Variants in TRIML2 observed in about 807,000 individuals in gnomAD.
The protein encoded by TRIML2 is probable E3 ubiquitin-protein ligase TRIML2.
In TRIML2, 28 loss-of-function variants were observed where a neutral mutation model predicts 31.2. That is an observed-to-expected ratio of 0.90 (90% CI 0.66 to 1.23). The LOEUF (loss-of-function observed/expected upper bound fraction) is 1.23, where lower values mean the gene tolerates loss of function less well. Ranked by LOEUF, TRIML2 falls within the 50% of genes most tolerant of loss-of-function variation. TRIML2 has a pLI of 0.00. For missense variants in TRIML2, 536 were observed against 528.3 expected, an observed-to-expected ratio of 1.01 and a Z score of -0.14; for synonymous variants, 187 against 197.5, an observed-to-expected ratio of 0.95 and a Z score of 0.45.
In TRIML2 at chr4:188,102,580, C is replaced by T. The variant is rs145893471; in HGVS notation, c.286-1330G>A. ...CTATTTAAGATTCAGTGAAATTGTC[C>T]GGGCTCACGTCTGTAATCCCAGCAC... is the stretch of plus-strand genomic sequence containing the variant. On this transcript the variant is annotated intron_variant, in intron 3 of 7. Transcript: ENST00000682553. 9.1e-3 allele frequency among the ~76,000 whole-genome samples: 1,376 copies of T among 151,806 alleles called. 14 individuals carry two copies. The highest frequency in any genetic ancestry group is 0.016 in the Non-Finnish European group (1,101 of 67,924).
intron 7 of TRIML2, among the ~76,000 whole-genome samples, chr4:188,093,667 A>T (rs10780074): frequency 0.08 from 12,108 of 151,474 alleles, 1,050 homozygotes; most frequent in East Asian, 0.51. Context: ...TCTCAAAAAC[A>T]AAAACAAAAA....
intron 4 of TRIML2, among the ~76,000 whole-genome samples, chr4:188,100,599 G>A (rs1733743251): frequency 6.6e-6 from 1 of 152,116 alleles, no homozygotes; most frequent in East Asian, 1.9e-4. Flanking sequence ...GCGGGCACCT[G>A]TAATCCCAGC....
chr4:188,102,774 G>A (rs1391289084), intron 3 of TRIML2, among the ~76,000 whole-genome samples: 8 of 151,008 alleles, frequency 5.3e-5, no homozygotes, highest in African/African-American at 1.7e-4. Context: ...GCTTGAACCC[G>A]GGAGGCGGAG....
chr4:188,100,955 T>C, intron 4 of TRIML2, 101 bp downstream of exon 4: 1 of 1,039,514 alleles, frequency 9.6e-7, no homozygotes, highest in Non-Finnish European at 1.4e-6. Flanking sequence ...ATTTAATACA[T>C]GTGTGGTTGT....
rs761036503 is a variant in TRIML2 at position 188,105,400 on chromosome 4, T to C, written c.-32A>G. The C allele has an allele frequency of 6.7e-7, 1 of 1,498,278 alleles. No homozygotes were observed. Among genetic ancestry groups the C allele is most frequent in the Non-Finnish European group, 9.0e-7 (1 of 1,111,236 alleles). The allele number at this position is 1,498,278 out of a possible 1,614,324, so 92.8% of individuals were successfully genotyped here. A position where few individuals can be genotyped will look rare whatever the true frequency, so the allele number is the denominator to read the frequency against. Reference sequence around the variant, plus strand: ...AGGGGTCCCTAGTTGAAGACTGGACTGTATGCTTCTACTGAGGTATCTCCC... The same window carrying C: ...AGGGGTCCCTAGTTGAAGACTGGACCGTATGCTTCTACTGAGGTATCTCCC... On this transcript the variant is annotated 5_prime_UTR_variant, in exon 2 of 8. Coordinates refer to ENST00000682553, the MANE Select transcript of TRIML2 (RefSeq NM_173553.4).
chr4:188,104,510 G>A (rs1264822441), intron 3 of TRIML2, among the ~76,000 whole-genome samples: 2 of 151,624 alleles, frequency 1.3e-5, no homozygotes, highest in Admixed American at 6.6e-5. Flanking sequence ...TTACAGGCTC[G>A]TGCAACCACA....
rs1161484738 is a variant in TRIML2 at position 188,091,754 on chromosome 4, T to G, written c.933A>C (p.Glu311Asp). 4 of 1,613,992 alleles carry G rather than the reference T, an allele frequency of 2.5e-6. No individual in the cohort carries two copies. The highest frequency in any genetic ancestry group is 3.4e-6 in the Non-Finnish European group (4 of 1,180,042). ...SGRHYWEVDV[E>D]KATRWQVGIY... ...TGCCCACTTGCCACCTGGTTGCCTT[T>G]TCCACGTCCACCTCCCAGTAGTGCC... The change falls in exon 8 of 8, where the codon GAA becomes GAC. Residue 311 changes from glutamate (E) to aspartate (D), a missense_variant. By Grantham distance (45) the Glu-to-Asp change is conservative. Transcript: ENST00000682553.
chr4:188,101,826 G>A (rs906313139), intron 3 of TRIML2, among the ~76,000 whole-genome samples: 1 of 151,772 alleles, frequency 6.6e-6, no homozygotes. Flanking sequence ...AAATGCAGAC[G>A]AAGAAATGTT....
In TRIML2 at chr4:188,101,107, T is replaced by G. The variant is rs1310090929; in HGVS notation, c.429A>C (p.Gln143His). ...DLNLRETLLN[Q>H]AIKLATELEE... ...CTAGCTCGGTGGCAAGCTTGATCGC[T>G]TGATTCAGAAGGGTTTCTCTCAGGT... Residue 143 changes from glutamine to histidine, a missense_variant, in exon 4 of 8, where the codon CAA (glutamine) becomes CAC (histidine). Transcript: ENST00000682553. The G allele has an allele frequency of 1.2e-6, 2 of 1,613,720 alleles. No individual in the cohort carries two copies. The highest frequency in any genetic ancestry group is 3.3e-4 in the Middle Eastern group (2 of 6,056).
intron 5 of TRIML2, chr4:188,098,745 A>G: frequency 2.8e-6 from 1 of 355,084 alleles, no homozygotes; most frequent in Non-Finnish European, 5.1e-6. Flanking sequence ...TTATGATCAC[A>G]GAATATTTCA....
chr4:188,091,712 T>G lies in TRIML2; in HGVS notation c.975A>C (p.Ala325=). 1 of 1,613,896 alleles carries G rather than the reference T, an allele frequency of 6.2e-7. No individual in the cohort carries two copies. Among genetic ancestry groups the G allele is most frequent in the Admixed American group, 1.7e-5 (1 of 60,006 alleles). Residue 325 remains alanine (A), a synonymous_variant, in exon 8 of 8, where the codon GCA becomes GCC. Coordinates refer to ENST00000682553, the MANE Select transcript of TRIML2 (RefSeq NM_173553.4). ...RWQVGIYHGS[A]DAKGSTARAS... ...CTCTGGCCGTGCTGCCCTTCGCGTC[T>G]GCAGAGCCGTGGTATATGCCCACTT...
intron 1 of TRIML2, chr4:188,106,694 G>A: frequency 6.1e-6 from 1 of 164,204 alleles, no homozygotes; most frequent in Non-Finnish European, 1.3e-5. Context: ...TGGCAGGCGC[G>A]TCCCTGCAGG....
intron 7 of TRIML2, among the ~76,000 whole-genome samples, chr4:188,092,333 G>A (rs1733302476): frequency 6.6e-6 from 1 of 151,954 alleles, no homozygotes; most frequent in Non-Finnish European, 1.5e-5. Flanking sequence ...GTGGTGGCAG[G>A]CGCCTGTAAT....
intron 4 of TRIML2, among the ~76,000 whole-genome samples, chr4:188,100,523 C>T (rs901561053): frequency 3.7e-4 from 57 of 152,006 alleles, no homozygotes; most frequent in African/African-American, 1.4e-3. Flanking sequence ...GAGATCGAGA[C>T]CATCCTGGCT....
chr4:188,106,942 G>A, intron 1 of TRIML2: 1 of 202,562 alleles, frequency 4.9e-6, no homozygotes, highest in Non-Finnish European at 1.1e-5. Context: ...TGTAATTCTG[G>A]CTTTCTCTAT....
chr4:188,097,254 T>A, intron 6 of TRIML2, 70 bp downstream of exon 6: 2 of 1,598,502 alleles, frequency 1.3e-6, no homozygotes, highest in Non-Finnish European at 1.7e-6. Flanking sequence ...GCAAATGCAA[T>A]CTCCCTATCT....
intron 7 of TRIML2, among the ~76,000 whole-genome samples, chr4:188,094,703 T>A (rs1733424380): frequency 6.6e-6 from 1 of 152,180 alleles, no homozygotes; most frequent in Non-Finnish European, 1.5e-5. Flanking sequence ...ATGTCAATTC[T>A]CCCCAAACTG....
intron 5 of TRIML2, among the ~76,000 whole-genome samples, chr4:188,097,718 C>T (rs1733580871): frequency 6.6e-6 from 1 of 152,146 alleles, no homozygotes; most frequent in African/African-American, 2.4e-5. Context: ...GCCACACCTG[C>T]CTGCATGCTC....
chr4:188,103,737 C>T (rs1213125927), intron 3 of TRIML2, among the ~76,000 whole-genome samples: 1 of 152,172 alleles, frequency 6.6e-6, no homozygotes, highest in Admixed American at 6.6e-5. Flanking sequence ...CACTAGAATG[C>T]AAGTTCCACG....
Sources: gnomAD v4.1 joint callset for allele counts (sites outside exome capture counted in the v4.1 genomes callset) on GRCh38, gnomAD v4.1.1 for gene constraint, MANE v1.5 for transcripts, NCBI Gene and HGNC (gene_info 2026-07-23, HGNC 2026-07-21) for gene names.